The following GPRC5A variants were observed in gnomAD, a reference collection of about 807,000 sequenced individuals.
GPRC5A encodes retinoic acid-induced protein 3.
A neutral mutation model predicts 22.5 loss-of-function variants in GPRC5A; 19 were observed. The observed-to-expected ratio is 0.85, with a 90% CI of 0.59 to 1.24. The LOEUF (loss-of-function observed/expected upper bound fraction) is 1.24. Ranked by LOEUF, GPRC5A falls within the 50% of genes most tolerant of loss-of-function variation. The pLI, the probability that GPRC5A is intolerant of heterozygous loss-of-function variation, is 0.00. For missense variants in GPRC5A, 471 were observed against 451.1 expected (o/e 1.04, Z -0.40); for synonymous variants, 192 against 184.5 (o/e 1.04, Z -0.33).
At chr12:12,902,269 G>C (rs1425110842) in intron 1 of GPRC5A, among the ~76,000 whole-genome samples, 4 of 151,840 alleles carry the variant, frequency 2.6e-5, no homozygotes, top group Admixed American at 1.3e-4. Context: ...TGGGGTGGGG[G>C]AGGCTAACAG....
chr12:12,893,007 G>A (rs1268506689), intron 1 of GPRC5A, among the ~76,000 whole-genome samples: 1 of 152,176 alleles, frequency 6.6e-6, no homozygotes, highest in Admixed American at 6.5e-5. Flanking sequence ...GGCGCTACGT[G>A]GGAAACAAGG....
rs146456083 is a variant in GPRC5A at position 12,908,649 on chromosome 12, A to G, written c.400A>G (p.Ile134Val). 12,778 of 1,613,836 alleles carry G rather than the reference A, an allele frequency of 7.9e-3. 67 individuals are homozygous for G. The highest frequency in any genetic ancestry group is 0.013 in the Middle Eastern group (76 of 6,060). ...RGRKPLSLLV[I>V]LGLAVGFSLV... ...GAGGAAGCCCCTTTCCCTGTTGGTGATTCTGGGTCTGGCCGTGGGCTTCAG... is the reference window on the plus strand; with the variant it reads ...GAGGAAGCCCCTTTCCCTGTTGGTGGTTCTGGGTCTGGCCGTGGGCTTCAG... The change falls in exon 2 of 4, where the codon ATT becomes GTT. Residue 134 changes from isoleucine to valine, a missense_variant. Physicochemically the swap from Ile to Val is conservative, Grantham distance 29. Transcript: ENST00000014914.
intron 1 of GPRC5A, among the ~76,000 whole-genome samples, chr12:12,901,109 C>G (rs1015575281): frequency 6.6e-6 from 1 of 152,008 alleles, no homozygotes; most frequent in East Asian, 1.9e-4. Context: ...TGAAGAGGGT[C>G]TCGTCCTCAT....
In GPRC5A at chr12:12,893,004, C is replaced by T. The variant is rs369597071; in HGVS notation, c.-8+1340C>T. 1.4e-4 allele frequency among the ~76,000 whole-genome samples: 21 copies of T among 152,258 alleles called. No individual in the cohort carries two copies. The East Asian group carries it at 3.7e-3, about 27-fold the overall frequency. ...GAAGGAAGGGCCGGGAGAGGCGCTA[C>T]GTGGGAAACAAGGGACCTCTCCAAG... is the stretch of plus-strand genomic sequence containing the variant. On this transcript the variant is annotated intron_variant, in intron 1 of 3. Transcript: ENST00000014914.
intron 1 of GPRC5A, among the ~76,000 whole-genome samples, chr12:12,903,341 C>T (rs113891087): frequency 0.011 from 1,725 of 152,182 alleles, 38 homozygotes; most frequent in African/African-American, 0.039. Flanking sequence ...ATTGCGGTGA[C>T]GTGATCACAG....
intron 1 of GPRC5A, among the ~76,000 whole-genome samples, chr12:12,898,464 G>T (rs1043566632): frequency 1.3e-5 from 2 of 152,044 alleles, no homozygotes; most frequent in East Asian, 3.9e-4. Flanking sequence ...CCAGGAAGTC[G>T]AAGCTGCCGT....
In GPRC5A at chr12:12,916,641, T is replaced by C. The variant is rs1246072841; in HGVS notation, c.*4102T>C. 1.3e-5 allele frequency: 2 copies of C among 152,242 alleles called. No homozygotes were observed. The highest frequency in any genetic ancestry group is 4.8e-5 in the African/African-American group (2 of 41,468). The allele number at this position is 152,242 out of a possible 1,614,324, so 9.4% of individuals were successfully genotyped here. A position where few individuals can be genotyped will look rare whatever the true frequency, so the allele number is the denominator to read the frequency against. ...TTTGGCAAAGTTCCTTTGCCCTTTGTCTTATTTTTGTGAAACCCTCCAAGG... is the reference window on the plus strand; with the variant it reads ...TTTGGCAAAGTTCCTTTGCCCTTTGCCTTATTTTTGTGAAACCCTCCAAGG... On this transcript the variant is annotated 3_prime_UTR_variant, in exon 4 of 4. Transcript: ENST00000014914.
chr12:12,899,996 A>G (rs1324605141), intron 1 of GPRC5A, among the ~76,000 whole-genome samples: 1 of 152,200 alleles, frequency 6.6e-6, no homozygotes, highest in Non-Finnish European at 1.5e-5. Flanking sequence ...CACTTTCCCC[A>G]TCTCTCTGGT....
At chr12:12,899,182 C>T (rs775866394) in intron 1 of GPRC5A, among the ~76,000 whole-genome samples, 17 of 152,082 alleles carry the variant, frequency 1.1e-4, no homozygotes, top group Middle Eastern at 3.2e-3. Context: ...GTGATCCTGG[C>T]TAAATTAGCA....
At chr12:12,912,170 C>T in intron 3 of GPRC5A, 28 bp downstream of exon 3, 1 of 1,502,684 alleles carries the variant, frequency 6.7e-7, no homozygotes, top group Non-Finnish European at 9.3e-7. Context: ...CCCTCTTCAT[C>T]AAAGGCATTA....
At position 12,912,776 on chromosome 12, in the gene GPRC5A, C is replaced by G; in HGVS notation, c.*237C>G. The G allele has an allele frequency of 2.1e-6, 1 of 472,910 alleles. No individual in the cohort carries two copies. 29.3% of individuals were successfully genotyped at this position (472,910 alleles called of 1,614,324 possible). ...TTTTTTTTGTCTCATCCTTTGGATA[C>G]TTCTTTTAAGTGGGAGTCTCAGGCA... On this transcript the variant is annotated 3_prime_UTR_variant, in exon 4 of 4. Transcript: ENST00000014914.
chr12:12,908,357 A>T lies in GPRC5A; in HGVS notation c.108A>T (p.Thr36=). 1 of 1,614,136 alleles carries T rather than the reference A, an allele frequency of 6.2e-7. No homozygotes were observed. ...GCATCGTCCTAGAAACGGTGGCCAC[A>T]GCCGGGGTTGTGACCTCGGTGGCCT... is the stretch of plus-strand genomic sequence containing the variant. ...AWGIVLETVA[T]AGVVTSVAFM... Residue 36 remains threonine, a synonymous_variant, in exon 2 of 4, where the codon ACA becomes ACT. Coordinates refer to ENST00000014914, the MANE Select transcript of GPRC5A (RefSeq NM_003979.4).
In GPRC5A at chr12:12,900,342, C is replaced by T. The variant is rs1329496216; in HGVS notation, c.-7-7901C>T. On this transcript the variant is annotated intron_variant, in intron 1 of 3. Transcript: ENST00000014914. ...ACATGAAGCTCCCCAGGTGGGTGAACGGTGGAGCTGAACATGAGTTCAGAC... is the reference window on the plus strand; with the variant it reads ...ACATGAAGCTCCCCAGGTGGGTGAATGGTGGAGCTGAACATGAGTTCAGAC... 3.3e-5 allele frequency among the ~76,000 whole-genome samples: 5 copies of T among 152,142 alleles called. No homozygotes were observed. The East Asian group carries it at 5.8e-4, about 18-fold the overall frequency.
At chr12:12,900,819 G>T (rs1284756007) in intron 1 of GPRC5A, among the ~76,000 whole-genome samples, 1 of 137,204 alleles carries the variant, frequency 7.3e-6, no homozygotes, top group Non-Finnish European at 1.5e-5. Flanking sequence ...GAACCTGGGA[G>T]ATGGTGGTTG....
At chr12:12,897,856 C>T (rs924370432) in intron 1 of GPRC5A, among the ~76,000 whole-genome samples, 3 of 152,014 alleles carry the variant, frequency 2.0e-5, no homozygotes, top group East Asian at 1.9e-4. Flanking sequence ...GTGATCTACC[C>T]GCCTCGGCCT....
chr12:12,900,940 C>T (rs56977768), intron 1 of GPRC5A, among the ~76,000 whole-genome samples: 3,089 of 143,252 alleles, frequency 0.022, 126 homozygotes, highest in African/African-American at 0.077. Flanking sequence ...CAGAAAAACC[C>T]AAAAAACAAA....
chr12:12,911,793 CTT>C (rs1213583282), intron 2 of GPRC5A, among the ~76,000 whole-genome samples: 1 of 152,174 alleles, frequency 6.6e-6, no homozygotes, highest in African/African-American at 2.4e-5. Flanking sequence ...CAGCCCATGA[CTT>C]TTCAAATGTG....
At chr12:12,902,929 T>A (rs1863904555) in intron 1 of GPRC5A, among the ~76,000 whole-genome samples, 1 of 152,092 alleles carries the variant, frequency 6.6e-6, no homozygotes, top group East Asian at 1.9e-4. Context: ...TAGCCGGGCA[T>A]GGTGGCGCAT....
At chr12:12,905,702 T>G (rs1396422340) in intron 1 of GPRC5A, among the ~76,000 whole-genome samples, 1 of 152,180 alleles carries the variant, frequency 6.6e-6, no homozygotes, top group African/African-American at 2.4e-5. Context: ...TCTTCCCACT[T>G]GTGCCCTGAA....
Sources: allele counts gnomAD v4.1 joint callset (sites outside exome capture counted in the v4.1 genomes callset), GRCh38; gene constraint gnomAD v4.1.1; transcripts MANE v1.5; gene names NCBI Gene and HGNC (gene_info 2026-07-23, HGNC 2026-07-21).